RBFOX1: variants seen among roughly 807,000 people sequenced by gnomAD.
RBFOX1 encodes the protein RNA binding protein fox-1 homolog 1.
Under a neutral mutation model 57.7 loss-of-function variants are expected in RBFOX1, and 8 were observed. The ratio of observed to expected loss-of-function variants is 0.14; its 90% CI spans 0.08 to 0.25. The LOEUF (loss-of-function observed/expected upper bound fraction) is 0.25. Among genes scored for constraint, RBFOX1 ranks in the 10% least tolerant of loss-of-function variants. The pLI is 1.00. For synonymous variants in RBFOX1, 326 were observed against 222.4 expected, an observed-to-expected ratio of 1.47 and a Z score of -4.15; for missense variants, 611 against 548.5, an observed-to-expected ratio of 1.11 and a Z score of -1.14.
chr16:6,102,929 T>G (rs1228560502), intron 1 of RBFOX1, among the ~76,000 whole-genome samples: 1 of 152,168 alleles, frequency 6.6e-6, no homozygotes, highest in Non-Finnish European at 1.5e-5. Flanking sequence ...GTCTGGGAAT[T>G]TCTCTGCAGG....
At chr16:6,730,351 A>C (rs997352178) in intron 3 of RBFOX1, among the ~76,000 whole-genome samples, 1 of 151,838 alleles carries the variant, frequency 6.6e-6, no homozygotes, top group Non-Finnish European at 1.5e-5. Flanking sequence ...TACATTATAT[A>C]GTAAGCAGTA....
At chr16:5,679,346 TAA>T (rs1394276300) in intron 3 of RBFOX1, among the ~76,000 whole-genome samples, 3,187 of 151,694 alleles carry the variant, frequency 0.021, 104 homozygotes, top group African/African-American at 0.073. Context: ...TTTTTTTTTT[TAA>T]AAAACAATTT....
chr16:7,490,288 A>G (rs1027149217), intron 4 of RBFOX1, among the ~76,000 whole-genome samples: 2 of 152,206 alleles, frequency 1.3e-5, no homozygotes, highest in African/African-American at 4.8e-5. Flanking sequence ...ATAAGTGTGC[A>G]GTTTCTGATC....
chr16:6,110,239 A>G (rs1441033871), intron 1 of RBFOX1, among the ~76,000 whole-genome samples: 1 of 131,242 alleles, frequency 7.6e-6, no homozygotes, highest in Non-Finnish European at 1.6e-5. Flanking sequence ...GCTCTCTGGT[A>G]CCCTGGCTTC....
At chr16:7,095,432 C>A (rs2095049743) in intron 4 of RBFOX1, among the ~76,000 whole-genome samples, 1 of 152,148 alleles carries the variant, frequency 6.6e-6, no homozygotes, top group Admixed American at 6.5e-5. Context: ...GTCACTGCGG[C>A]CAGCTTAGAA....
chr16:6,573,815 T>G (rs543441751), intron 2 of RBFOX1: 1 of 152,110 alleles, frequency 6.6e-6, no homozygotes, highest in Non-Finnish European at 1.5e-5. Context: ...CTGAGCACCG[T>G]GGGGAGGCAG....
At chr16:6,256,224 T>C (rs1280050687) in intron 1 of RBFOX1, among the ~76,000 whole-genome samples, 1 of 95,476 alleles carries the variant, frequency 1.0e-5, no homozygotes, top group Non-Finnish European at 1.9e-5. Flanking sequence ...TATATATGTA[T>C]ATATATATGT....
chr16:7,039,008 A>G (rs562265580), intron 3 of RBFOX1, among the ~76,000 whole-genome samples: 1 of 150,376 alleles, frequency 6.6e-6, no homozygotes, highest in Non-Finnish European at 1.5e-5. Context: ...CTCTTGATAT[A>G]AGTACCATTA....
intron 5 of RBFOX1, among the ~76,000 whole-genome samples, chr16:7,558,784 C>G (rs981878583): frequency 6.6e-6 from 1 of 152,118 alleles, no homozygotes; most frequent in Admixed American, 6.5e-5. Flanking sequence ...GGTGCACACT[C>G]AAAGTATTGA....
At chr16:6,658,285 A>T (rs1421172767) in intron 3 of RBFOX1, among the ~76,000 whole-genome samples, 1 of 150,074 alleles carries the variant, frequency 6.7e-6, no homozygotes, top group Admixed American at 6.7e-5. Flanking sequence ...TCAAATCTGG[A>T]TTGCAGTGGT....
At chr16:6,554,523 A>G (rs1264914416) in intron 2 of RBFOX1, among the ~76,000 whole-genome samples, 3 of 152,164 alleles carry the variant, frequency 2.0e-5, no homozygotes, top group African/African-American at 7.2e-5. Context: ...GAATTAGTGA[A>G]TTTTATGGTT....
At chr16:6,219,388 C>T (rs1020280885) in intron 1 of RBFOX1, among the ~76,000 whole-genome samples, 5 of 152,124 alleles carry the variant, frequency 3.3e-5, no homozygotes, top group African/African-American at 1.2e-4. Flanking sequence ...GTCGAGGCTG[C>T]AGTGAACCAT....
chr16:7,700,395 TAGCTTAGCA>T (rs2080279554), intron 14 of RBFOX1, among the ~76,000 whole-genome samples: 1 of 152,166 alleles, frequency 6.6e-6, no homozygotes, highest in Non-Finnish European at 1.5e-5. Context: ...AACTTTGAGA[TAGCTTAGCA>T]AGAAGTAACA....
At chr16:7,004,893 T>C (rs2093162665) in intron 3 of RBFOX1, among the ~76,000 whole-genome samples, 1 of 152,144 alleles carries the variant, frequency 6.6e-6, no homozygotes, top group Admixed American at 6.5e-5. Flanking sequence ...CTCACACCTG[T>C]AATTCCAGGA....
At chr16:7,033,852 C>A (rs1203881995) in intron 3 of RBFOX1, among the ~76,000 whole-genome samples, 1 of 152,048 alleles carries the variant, frequency 6.6e-6, no homozygotes, top group Non-Finnish European at 1.5e-5. Flanking sequence ...GCCTGTGGGC[C>A]CAGCTACTCA....
At chr16:7,383,468 G>C (rs542406832) in intron 4 of RBFOX1, among the ~76,000 whole-genome samples, 1 of 152,032 alleles carries the variant, frequency 6.6e-6, no homozygotes, top group South Asian at 2.1e-4. Flanking sequence ...TGAGTTTTAG[G>C]CTAGCCAGGG....
At chr16:5,344,964 GCA>G (rs1567362639) in intron 1 of RBFOX1, among the ~76,000 whole-genome samples, 2 of 152,076 alleles carry the variant, frequency 1.3e-5, no homozygotes, top group South Asian at 4.2e-4. Context: ...CTTCTTTCCC[GCA>G]GTGTCTGGGT....
Position 6,297,321 on chromosome 16 carries a change from A to C in RBFOX1, c.-126-19674A>C, listed in dbSNP as rs754813619. ...GTCTCAGCCTCATTTTACCCAGCCC[A>C]TATTCAAGATGGAGTTGCTCTGGTT... is the stretch of plus-strand genomic sequence containing the variant. On this transcript the variant is annotated intron_variant, in intron 1 of 15. Coordinates refer to ENST00000550418, the MANE Select transcript of RBFOX1 (RefSeq NM_018723.4). 3.9e-5 allele frequency among the ~76,000 whole-genome samples: 6 copies of C among 152,108 alleles called. 1 individual carries two copies. Among genetic ancestry groups the C allele is most frequent in the East Asian group, 1.9e-4 (1 of 5,158 alleles).
At chr16:5,975,955 C>G (rs1400492099) in intron 4 of RBFOX1, among the ~76,000 whole-genome samples, 1 of 152,030 alleles carries the variant, frequency 6.6e-6, no homozygotes. Context: ...ACCAGCCTGG[C>G]CAACACGGTG....
Sources: gnomAD v4.1 joint callset for allele counts (sites outside exome capture counted in the v4.1 genomes callset) on GRCh38, gnomAD v4.1.1 for gene constraint, MANE v1.5 for transcripts, NCBI Gene and HGNC (gene_info 2026-07-23, HGNC 2026-07-21) for gene names.